FOXO3: variants seen among roughly 807,000 people sequenced by gnomAD.
The protein encoded by FOXO3 is forkhead box protein O3.
FOXO3 carries 4 observed loss-of-function variants against 41.9 expected under a neutral mutation model. The observed-to-expected ratio is 0.10, with a 90% CI of 0.05 to 0.22. The LOEUF (loss-of-function observed/expected upper bound fraction) is 0.22. Ranked by LOEUF, FOXO3 falls within the 10% of genes least tolerant of loss-of-function variation. The probability of loss-of-function intolerance (pLI) is 1.00; values close to 1 mark genes in which losing one functional copy is unlikely to be tolerated. For missense variants in FOXO3, 534 were observed against 906.8 expected, an observed-to-expected ratio of 0.59 and a Z score of 5.28; for synonymous variants, 318 against 389.3, an observed-to-expected ratio of 0.82 and a Z score of 2.16.
chr6:108,603,815 T>A (rs1410293582), intron 1 of FOXO3, among the ~76,000 whole-genome samples: 1 of 152,172 alleles, frequency 6.6e-6, no homozygotes, highest in Non-Finnish European at 1.5e-5. Flanking sequence ...TGAGAATCTA[T>A]CTGACAGCAT....
rs200832975 is a variant in FOXO3 at position 108,663,769 on chromosome 6, C to T, written c.936C>T (p.Arg312=). 1.2e-4 allele frequency: 201 copies of T among 1,613,976 alleles called. No individual in the cohort carries two copies. The highest frequency in any genetic ancestry group is 3.2e-4 in the Admixed American group (19 of 60,018). ...ELDAWTDFRS[R]TNSNASTVSG... is the part of the protein sequence containing the mutation. ...ATGCGTGGACGGACTTCCGTTCACG[C>T]ACCAATTCTAACGCCAGCACAGTCA... Residue 312 remains arginine, a synonymous_variant, in exon 2 of 3, where the codon CGC becomes CGT. Coordinates refer to ENST00000406360, the MANE Select transcript of FOXO3 (RefSeq NM_001455.4).
At chr6:108,671,899 AG>A in intron 2 of FOXO3, among the ~76,000 whole-genome samples, 1 of 152,338 alleles carries the variant, frequency 6.6e-6, no homozygotes, top group East Asian at 1.9e-4. Context: ...AATGGTGTTG[AG>A]GAGAGCTGTT....
At chr6:108,635,885 A>G (rs1778107867) in intron 1 of FOXO3, among the ~76,000 whole-genome samples, 1 of 152,210 alleles carries the variant, frequency 6.6e-6, no homozygotes, top group Non-Finnish European at 1.5e-5. Context: ...GGTTACGATG[A>G]CTGGAGGAAG....
chr6:108,571,508 G>A (rs1159589922), intron 1 of FOXO3, among the ~76,000 whole-genome samples: 2 of 152,194 alleles, frequency 1.3e-5, no homozygotes, highest in Admixed American at 6.5e-5. Flanking sequence ...TCGGCTTAGG[G>A]TGGGTCCTAA....
intron 1 of FOXO3, among the ~76,000 whole-genome samples, chr6:108,657,009 C>T (rs1778706864): frequency 6.6e-6 from 1 of 152,172 alleles, no homozygotes; most frequent in Admixed American, 6.5e-5. Flanking sequence ...ATCATGCTGC[C>T]TCCTTCACAC....
chr6:108,598,152 C>T (rs1186377277), intron 1 of FOXO3, among the ~76,000 whole-genome samples: 1 of 152,194 alleles, frequency 6.6e-6, no homozygotes, highest in Non-Finnish European at 1.5e-5. Flanking sequence ...TAATAATGTA[C>T]AACACTGTGG....
At chr6:108,652,502 C>T (rs1562258635) in intron 1 of FOXO3, among the ~76,000 whole-genome samples, 1 of 152,180 alleles carries the variant, frequency 6.6e-6, no homozygotes, top group East Asian at 1.9e-4. Context: ...AGTGGTGCCT[C>T]CCTCCTTGGT....
At chr6:108,589,347 C>G (rs986962719) in intron 1 of FOXO3, among the ~76,000 whole-genome samples, 1 of 152,172 alleles carries the variant, frequency 6.6e-6, no homozygotes, top group African/African-American at 2.4e-5. Context: ...CAGGCCTTGG[C>G]TGCCCTGGGC....
intron 1 of FOXO3, 43 bp from the exon 2 acceptor site, chr6:108,663,412 G>A (rs1470825417): frequency 3.2e-6 from 5 of 1,540,748 alleles, no homozygotes; most frequent in Non-Finnish European, 4.4e-6. Flanking sequence ...CTCGGTTTTG[G>A]ACCATTCTGG....
rs114859320 is a variant in FOXO3 at position 108,607,955 on chromosome 6, A to G, written c.621+46126A>G. On this transcript the variant is annotated intron_variant, in intron 1 of 2. Transcript: ENST00000406360. Reference sequence around the variant, plus strand: ...TATTATCCTGGAAGAACTAATCTTTATAATTACCAGATTCTTACTTCAGAG... The same window carrying G: ...TATTATCCTGGAAGAACTAATCTTTGTAATTACCAGATTCTTACTTCAGAG... Among the ~76,000 whole-genome samples, 1,036 of 152,332 alleles carry G rather than the reference A, an allele frequency of 6.8e-3. 18 individuals are homozygous for G. The highest frequency in any genetic ancestry group is 0.055 in the South Asian group (266 of 4,832).
rs984106009 is a variant in FOXO3, at chr6:108,598,924, G to A, written c.621+37095G>A. 4.5e-4 allele frequency among the ~76,000 whole-genome samples: 68 copies of A among 152,106 alleles called. 1 individual carries two copies. Among genetic ancestry groups the A allele is most frequent in the Non-Finnish European group, 8.8e-5 (6 of 68,020 alleles). On this transcript the variant is annotated intron_variant, in intron 1 of 2. Coordinates refer to ENST00000406360, the MANE Select transcript of FOXO3 (RefSeq NM_001455.4). ...TTCATGCTGACTTAGCATGATGGCC[G>A]GCAAGGAGTTTCTCTAATTCTTGTC...
chr6:108,674,033 A>G (rs933993466), intron 2 of FOXO3, among the ~76,000 whole-genome samples: 26 of 152,344 alleles, frequency 1.7e-4, no homozygotes, highest in African/African-American at 6.0e-4. Flanking sequence ...TTTATTAAAT[A>G]CTTGAGAATT....
intron 1 of FOXO3, among the ~76,000 whole-genome samples, chr6:108,567,843 T>A (rs893536431): frequency 6.6e-6 from 1 of 152,152 alleles, no homozygotes; most frequent in Non-Finnish European, 1.5e-5. Context: ...GGTCAGGAGT[T>A]CGAGACCAGC....
chr6:108,561,241 C>G lies in FOXO3; in HGVS notation c.33C>G (p.Leu11=). The G allele has an allele frequency of 3.2e-6, 5 of 1,549,142 alleles. No individual in the cohort carries two copies. In the South Asian group the frequency reaches 3.5e-5, roughly 11 times the overall value. Residue 11 remains leucine, a synonymous_variant, in exon 1 of 3, where the codon CTC becomes CTG. Coordinates refer to ENST00000406360, the MANE Select transcript of FOXO3 (RefSeq NM_001455.4). ...AGGCACCGGCTTCCCCGGCCCCGCT[C>G]TCTCCGCTCGAAGTGGAGCTGGACC... MAEAPASPAP[L]SPLEVELDPE...
At chr6:108,593,690 A>G (rs1270342331) in intron 1 of FOXO3, among the ~76,000 whole-genome samples, 3 of 75,302 alleles carry the variant, frequency 4.0e-5, no homozygotes, top group South Asian at 4.2e-4. Flanking sequence ...CTTGCTGTGT[A>G]TTTTTCTTTT....
At chr6:108,587,684 G>A (rs1347266223) in intron 1 of FOXO3, among the ~76,000 whole-genome samples, 1 of 152,120 alleles carries the variant, frequency 6.6e-6, no homozygotes, top group African/African-American at 2.4e-5. Context: ...AAAGTACAAT[G>A]TACTCTCCTG....
intron 1 of FOXO3, among the ~76,000 whole-genome samples, chr6:108,646,188 A>C (rs1211042839): frequency 6.6e-6 from 1 of 152,184 alleles, no homozygotes; most frequent in African/African-American, 2.4e-5. Flanking sequence ...CTCTCACCTG[A>C]GTAGCTGCCT....
intron 1 of FOXO3, among the ~76,000 whole-genome samples, chr6:108,659,215 A>T (rs574153255): frequency 1.8e-3 from 276 of 151,828 alleles, no homozygotes; most frequent in Admixed American, 4.7e-3. Context: ...TTAAAAAAAA[A>T]TTTTTTTTTA....
intron 1 of FOXO3, among the ~76,000 whole-genome samples, chr6:108,638,247 G>A (rs1401708782): frequency 1.3e-5 from 2 of 152,186 alleles, no homozygotes; most frequent in South Asian, 4.1e-4. Context: ...TTGGTAGGGG[G>A]GCCTGAGGGC....
Sources: allele counts gnomAD v4.1 joint callset (sites outside exome capture counted in the v4.1 genomes callset), GRCh38; gene constraint gnomAD v4.1.1; transcripts MANE v1.5; gene names NCBI Gene and HGNC (gene_info 2026-07-23, HGNC 2026-07-21).